Variants in HDGFL3 observed in about 807,000 individuals in gnomAD.
HDGFL3 encodes the protein HDGF like 3.
HDGFL3 carries 6 observed loss-of-function variants against 27.6 expected under a neutral mutation model. That is an observed-to-expected ratio of 0.22 (90% confidence interval 0.12 to 0.43). The LOEUF (loss-of-function observed/expected upper bound fraction) is 0.43. Ranked by LOEUF, HDGFL3 falls within the 20% of genes least tolerant of loss-of-function variation. The pLI, the probability that HDGFL3 is intolerant of heterozygous loss-of-function variation, is 1.00. For synonymous variants in HDGFL3, 88 were observed against 88.9 expected (o/e 0.99, Z 0.05); for missense variants, 207 against 250.1 (o/e 0.83, Z 1.16).
At chr15:83,119,862 C>T (rs2035059567) in intron 3 of HDGFL3, 3 of 875,162 alleles carry the variant, frequency 3.4e-6, no homozygotes, top group Non-Finnish European at 5.0e-6. Flanking sequence ...TGAATATGTC[C>T]TTCTGAATTG....
intron 3 of HDGFL3, among the ~76,000 whole-genome samples, chr15:83,122,239 T>A (rs11856171): frequency 0.042 from 6,465 of 152,278 alleles, 384 homozygotes; most frequent in East Asian, 0.13. Flanking sequence ...CAGGGATTCC[T>A]GTTTTTTTAG....
chr15:83,157,375 T>C (rs373454684), intron 4 of HDGFL3, 40 bp downstream of exon 4: 35 of 1,541,298 alleles, frequency 2.3e-5, no homozygotes, highest in Admixed American at 1.2e-4. Context: ...TTAATGGATA[T>C]GCATATAACA....
intron 1 of HDGFL3, among the ~76,000 whole-genome samples, chr15:83,167,890 C>T (rs191140159): frequency 6.6e-6 from 1 of 152,220 alleles, no homozygotes; most frequent in Non-Finnish European, 1.5e-5. Flanking sequence ...CAAGATAGAC[C>T]ACATGCTTGG....
At position 83,189,964 on chromosome 15, in the gene HDGFL3, G is replaced by T. The variant is rs74832645; in HGVS notation, c.84+17367C>A. Among the ~76,000 whole-genome samples the T allele has an allele frequency of 5.2e-3, 789 of 152,170 alleles. 28 individuals are homozygous for T. In the East Asian group the frequency reaches 0.098, roughly 19 times the overall value. On this transcript the variant is annotated intron_variant, in intron 1 of 5. Coordinates refer to ENST00000299633, the MANE Select transcript of HDGFL3 (RefSeq NM_016073.4). ...TTGGGTTCTATGATTCCAGCACTTT[G>T]GGAGGCCAATGTGGGATCATTGCTT... is the stretch of plus-strand genomic sequence containing the variant.
At chr15:83,112,815 G>T (rs755830379) in exon 4 of HDGFL3, 97 of 1,613,868 alleles carry the variant, frequency 6.0e-5, no homozygotes, top group Non-Finnish European at 8.1e-5. Flanking sequence ...CTATTGTAGG[G>T]GTTGCTGCCC....
intron 1 of HDGFL3, among the ~76,000 whole-genome samples, chr15:83,183,007 A>G (rs1242780588): frequency 6.6e-6 from 1 of 152,232 alleles, no homozygotes; most frequent in Non-Finnish European, 1.5e-5. Context: ...GAGTATTTTC[A>G]AAATAATACG....
intron 4 of HDGFL3, among the ~76,000 whole-genome samples, chr15:83,156,506 A>G (rs2037031338): frequency 6.6e-6 from 1 of 152,182 alleles, no homozygotes; most frequent in Non-Finnish European, 1.5e-5. Flanking sequence ...GAATAAATAA[A>G]CAGCCAAAGC....
intron 4 of HDGFL3, among the ~76,000 whole-genome samples, chr15:83,155,922 C>G (rs1203205688): frequency 2.0e-5 from 3 of 152,158 alleles, no homozygotes. Flanking sequence ...TTTTCACAAT[C>G]TCAGAGTTCT....
chr15:83,172,812 G>T (rs766704760), intron 1 of HDGFL3, among the ~76,000 whole-genome samples: 50 of 143,832 alleles, frequency 3.5e-4, no homozygotes, highest in Non-Finnish European at 6.2e-4. Flanking sequence ...CAGAGCAATA[G>T]ACTCCAGCTC....
chr15:83,142,768 TAA>T (rs2036803135), intron 5 of HDGFL3, among the ~76,000 whole-genome samples: 1 of 152,064 alleles, frequency 6.6e-6, no homozygotes, highest in African/African-American at 2.4e-5. Context: ...CATATTACAA[TAA>T]AGAGAATGCA....
intron 1 of HDGFL3, among the ~76,000 whole-genome samples, chr15:83,166,989 C>T (rs1392877881): frequency 6.6e-6 from 1 of 152,158 alleles, no homozygotes; most frequent in Non-Finnish European, 1.5e-5. Context: ...CAGCAACCAA[C>T]AACTTCATGA....
rs2037050844 is a variant in HDGFL3, at chr15:83,157,719, C to A, written c.301-146G>T. The A allele has an allele frequency of 2.0e-5, 19 of 972,926 alleles. No individual in the cohort carries two copies. In the South Asian group the frequency reaches 3.1e-4, roughly 16 times the overall value. 60.3% of individuals were successfully genotyped at this position (972,926 alleles called of 1,614,324 possible). ...ACAAAGGGCTGTCAAACTGAATTTTCCAATGGACACTTGATTTGAACCCTT... is the reference window on the plus strand; with the variant it reads ...ACAAAGGGCTGTCAAACTGAATTTTACAATGGACACTTGATTTGAACCCTT... On this transcript the variant is annotated intron_variant, in intron 3 of 5. Transcript: ENST00000299633.
At chr15:83,126,040 C>T (rs951521163), downstream of HDGFL3, among the ~76,000 whole-genome samples, 2 of 152,182 alleles carry the variant, frequency 1.3e-5, no homozygotes, top group South Asian at 2.1e-4. Flanking sequence ...TATTCTTGCA[C>T]GGCCATATCC....
intron 1 of HDGFL3, among the ~76,000 whole-genome samples, chr15:83,175,717 C>T (rs986573465): frequency 4.6e-5 from 7 of 151,932 alleles, no homozygotes; most frequent in Non-Finnish European, 7.4e-5. Context: ...AAAATTAGCC[C>T]GGTGTGGTGG....
intron 2 of HDGFL3, among the ~76,000 whole-genome samples, chr15:83,160,174 T>C (rs1028324041): frequency 2.0e-5 from 3 of 151,950 alleles, no homozygotes; most frequent in African/African-American, 7.2e-5. Context: ...GGTAGAGGAG[T>C]TGAGGATATC....
downstream of HDGFL3, chr15:83,124,805 C>T (rs1477960154): frequency 4.1e-6 from 6 of 1,480,772 alleles, 1 homozygote; most frequent in Admixed American, 6.9e-5. Context: ...AATAACGTAA[C>T]ATTGTGATAC....
intron 2 of HDGFL3, among the ~76,000 whole-genome samples, chr15:83,160,226 C>T (rs1235296673): frequency 2.0e-5 from 3 of 150,282 alleles, no homozygotes; most frequent in Non-Finnish European, 4.4e-5. Flanking sequence ...CTCACTTTGT[C>T]GCCAGGCTGG....
intron 1 of HDGFL3, among the ~76,000 whole-genome samples, chr15:83,191,685 T>C (rs541205262): frequency 1.3e-5 from 2 of 152,304 alleles, no homozygotes; most frequent in Admixed American, 6.5e-5. Flanking sequence ...TCTTTTATTA[T>C]ACTCTGGATA....
At chr15:83,152,490 C>G (rs982149182) in intron 4 of HDGFL3, among the ~76,000 whole-genome samples, 4 of 152,104 alleles carry the variant, frequency 2.6e-5, no homozygotes, top group Admixed American at 6.5e-5. Context: ...CACCTAAGGT[C>G]AGGGGTTTGA....
Sources: allele counts gnomAD v4.1 joint callset (sites outside exome capture counted in the v4.1 genomes callset), GRCh38; gene constraint gnomAD v4.1.1; transcripts MANE v1.5; gene names NCBI Gene and HGNC (gene_info 2026-07-23, HGNC 2026-07-21).